The following SPOCK1 variants were observed in gnomAD, a reference collection of about 807,000 sequenced individuals.
The protein encoded by SPOCK1 is SPARC (osteonectin), cwcv and kazal like domains proteoglycan 1, also known as testican-1.
A neutral mutation model predicts 55.3 loss-of-function variants in SPOCK1; 23 were observed. The ratio of observed to expected loss-of-function variants is 0.42; its 90% CI spans 0.30 to 0.59. SPOCK1 has a LOEUF of 0.59. SPOCK1 is among the 20% of genes least tolerant of loss of function. SPOCK1 has a pLI of 0.22. For synonymous variants in SPOCK1, 226 were observed against 221.0 expected (o/e 1.02, Z -0.20); for missense variants, 499 against 552.5 (o/e 0.90, Z 0.97).
At chr5:137,265,583 C>G (rs143742101) in intron 3 of SPOCK1, among the ~76,000 whole-genome samples, 1 of 152,212 alleles carries the variant, frequency 6.6e-6, no homozygotes, top group Middle Eastern at 3.4e-3. Flanking sequence ...CATTTCTAAA[C>G]TAAGTTACAA....
chr5:137,466,399 TGC>T (rs980380542), intron 2 of SPOCK1, among the ~76,000 whole-genome samples: 1 of 152,244 alleles, frequency 6.6e-6, no homozygotes, highest in Non-Finnish European at 1.5e-5. Flanking sequence ...GCTGAGGCAC[TGC>T]CCAAATCTTC....
intron 5 of SPOCK1, among the ~76,000 whole-genome samples, chr5:137,081,258 G>A (rs1404466028): frequency 1.3e-5 from 2 of 152,182 alleles, no homozygotes; most frequent in African/African-American, 2.4e-5. Flanking sequence ...ACCTCTCCTC[G>A]CTTACCTACA....
intron 6 of SPOCK1, among the ~76,000 whole-genome samples, chr5:137,016,430 G>C (rs1427172756): frequency 1.3e-5 from 2 of 152,190 alleles, no homozygotes; most frequent in Non-Finnish European, 2.9e-5. Flanking sequence ...GTGAGGAGCT[G>C]AATAGATAAT....
intron 3 of SPOCK1, among the ~76,000 whole-genome samples, chr5:137,172,138 C>T (rs1297859670): frequency 6.6e-6 from 1 of 152,190 alleles, no homozygotes; most frequent in Non-Finnish European, 1.5e-5. Flanking sequence ...CAACTCACAA[C>T]ATTTCTAAAT....
intron 2 of SPOCK1, among the ~76,000 whole-genome samples, chr5:137,436,543 C>T (rs980090623): frequency 3.3e-5 from 5 of 152,080 alleles, no homozygotes; most frequent in Non-Finnish European, 5.9e-5. Flanking sequence ...ATGTAAATCT[C>T]CTCTATTATG....
At chr5:136,981,631 T>A (rs1327665754) in intron 9 of SPOCK1, among the ~76,000 whole-genome samples, 1 of 152,222 alleles carries the variant, frequency 6.6e-6, no homozygotes, top group Non-Finnish European at 1.5e-5. Context: ...TTACTTCTAT[T>A]GGTATTGTGT....
At chr5:137,327,852 C>G (rs1035795074) in intron 2 of SPOCK1, among the ~76,000 whole-genome samples, 2 of 152,128 alleles carry the variant, frequency 1.3e-5, no homozygotes, top group East Asian at 3.8e-4. Context: ...CTAGAGTGGG[C>G]CTTCCTAACA....
At chr5:137,354,417 C>A (rs555748655) in intron 2 of SPOCK1, among the ~76,000 whole-genome samples, 12 of 152,068 alleles carry the variant, frequency 7.9e-5, no homozygotes, top group Admixed American at 2.0e-4. Context: ...TGACGTTGCA[C>A]CCTCCCTTGA....
intron 4 of SPOCK1, among the ~76,000 whole-genome samples, chr5:137,115,970 A>G (rs1580758528): frequency 6.6e-6 from 1 of 152,342 alleles, no homozygotes; most frequent in South Asian, 2.1e-4. Flanking sequence ...CAATGAAGGT[A>G]TCTTGATGGG....
chr5:137,003,898 T>C (rs1751193787), intron 6 of SPOCK1, among the ~76,000 whole-genome samples: 2 of 152,224 alleles, frequency 1.3e-5, no homozygotes, highest in East Asian at 3.9e-4. Context: ...GCTCTTTTAT[T>C]TGGGAGTGGG....
chr5:137,196,115 C>T (rs940121107), intron 3 of SPOCK1, among the ~76,000 whole-genome samples: 3 of 152,158 alleles, frequency 2.0e-5, no homozygotes, highest in South Asian at 2.1e-4. Flanking sequence ...TACCCATTAC[C>T]TCATAGATCA....
chr5:137,193,307 T>C (rs542679619), intron 3 of SPOCK1, among the ~76,000 whole-genome samples: 5 of 152,222 alleles, frequency 3.3e-5, no homozygotes, highest in African/African-American at 1.2e-4. Flanking sequence ...AAACCTGGGA[T>C]ATGCCTGGGA....
intron 3 of SPOCK1, among the ~76,000 whole-genome samples, chr5:137,206,333 G>A (rs993947027): frequency 2.6e-5 from 4 of 152,192 alleles, no homozygotes; most frequent in African/African-American, 4.8e-5. Context: ...AGGCCATGCC[G>A]GCCTCCTAGG....
intron 5 of SPOCK1, among the ~76,000 whole-genome samples, chr5:137,081,496 C>T (rs1752877215): frequency 6.6e-6 from 1 of 152,214 alleles, no homozygotes; most frequent in South Asian, 2.1e-4. Context: ...AGACACCCAT[C>T]ACCAACCATT....
At chr5:137,399,841 A>C (rs923043686) in intron 2 of SPOCK1, among the ~76,000 whole-genome samples, 1 of 152,194 alleles carries the variant, frequency 6.6e-6, no homozygotes, top group Non-Finnish European at 1.5e-5. Flanking sequence ...ACTATACCTT[A>C]ACAGAAGACA....
At chr5:137,035,250 C>G (rs1177604731) in intron 6 of SPOCK1, among the ~76,000 whole-genome samples, 1 of 152,204 alleles carries the variant, frequency 6.6e-6, no homozygotes, top group African/African-American at 2.4e-5. Context: ...CCAGCCGTAT[C>G]AGGACCGGAG....
chr5:137,087,070 T>A (rs1752973097), intron 5 of SPOCK1, among the ~76,000 whole-genome samples: 2 of 152,182 alleles, frequency 1.3e-5, no homozygotes, highest in South Asian at 4.2e-4. Context: ...ACTAGAGAAA[T>A]CCTTGTAGAT....
rs139818118 is a variant in SPOCK1, at chr5:137,186,350, T to C, written c.233-45656A>G. ...CCTTTGCATAGGCCCGTTTGGGGTA[T>C]AGGGGGATTGCATCAATGGCTAGAC... On this transcript the variant is annotated intron_variant, in intron 3 of 10. Transcript: ENST00000394945. Among the ~76,000 whole-genome samples the C allele has an allele frequency of 9.6e-3, 1,460 of 152,272 alleles. 30 individuals carry two copies. Among genetic ancestry groups the C allele is most frequent in the African/African-American group, 0.033 (1,354 of 41,560 alleles).
At chr5:137,379,386 A>G (rs1751407486) in intron 2 of SPOCK1, among the ~76,000 whole-genome samples, 1 of 152,234 alleles carries the variant, frequency 6.6e-6, no homozygotes, top group African/African-American at 2.4e-5. Context: ...TCAAACATAT[A>G]CAGATTTATT....
Sources: allele counts gnomAD v4.1 joint callset (sites outside exome capture counted in the v4.1 genomes callset), GRCh38; gene constraint gnomAD v4.1.1; transcripts MANE v1.5; gene names NCBI Gene and HGNC (gene_info 2026-07-23, HGNC 2026-07-21).